The following FBXO6 variants were observed in gnomAD, a reference collection of about 807,000 sequenced individuals.
FBXO6 encodes the protein F-box only protein 6.
In FBXO6, 13 loss-of-function variants were observed where a neutral mutation model predicts 25.0. The ratio of observed to expected loss-of-function variants is 0.52; its 90% CI spans 0.34 to 0.83. The LOEUF (loss-of-function observed/expected upper bound fraction) is 0.83, where lower values mean the gene tolerates loss of function less well. Among genes scored for constraint, FBXO6 ranks in the 40% least tolerant of loss-of-function variants. The pLI, the probability that FBXO6 is intolerant of heterozygous loss-of-function variation, is 0.02. For missense variants in FBXO6, 370 were observed against 380.2 expected, an observed-to-expected ratio of 0.97 and a Z score of 0.22; for synonymous variants, 138 against 155.3, an observed-to-expected ratio of 0.89 and a Z score of 0.83.
intron 1 of FBXO6, among the ~76,000 whole-genome samples, chr1:11,667,160 GAA>G (rs796602620): frequency 2.8e-5 from 4 of 142,644 alleles, no homozygotes; most frequent in African/African-American, 7.7e-5. Context: ...TGGGGGGGAA[GAA>G]AAAAAAAAAG....
Position 11,673,386 on chromosome 1 carries a change from C to A in FBXO6, c.619C>A (p.Gln207Lys), listed in dbSNP as rs767392131. The A allele has an allele frequency of 2.5e-6, 4 of 1,614,066 alleles. No individual in the cohort carries two copies. The South Asian group carries it at 4.4e-5, about 18-fold the overall frequency. ...SFEPPPVTIQQWNNATWTEVS... is the reference protein window; with the variant it reads ...SFEPPPVTIQKWNNATWTEVS... ...CGAGCCCCCACCTGTGACCATCCAA[C>A]AGTGGAACAATGCCACATGGACAGA... is the stretch of plus-strand genomic sequence containing the variant. Residue 207 changes from glutamine to lysine, a missense_variant, in exon 5 of 6, where the codon CAG (glutamine) becomes AAG (lysine). Gln to Lys is a moderately conservative substitution (Grantham distance 53, BLOSUM62 1). Transcript: ENST00000376753. This position sits in a 1 kb window ranked among gnomAD's most constrained non-coding sequence, Gnocchi z 4.3.
Position 11,673,072 on chromosome 1 carries a change from T to A in FBXO6, c.510-205T>A, listed in dbSNP as rs1273195684. Among the ~76,000 whole-genome samples, 1 of 152,056 alleles carries A rather than the reference T, an allele frequency of 6.6e-6. No individual in the cohort carries two copies. The highest frequency in any genetic ancestry group is 1.5e-5 in the Non-Finnish European group (1 of 68,014). On this transcript the variant is annotated intron_variant, in intron 4 of 5. Transcript: ENST00000376753. This position sits in a 1 kb window ranked among gnomAD's most constrained non-coding sequence, Gnocchi z 4.3. ...AAAGGGTCCCTCTTCTCAGATGGGG[T>A]AACAGAGGCCAGCATGGACAGACAG...
rs550844579 is a variant in FBXO6 at position 11,666,918 on chromosome 1, G to A, written c.-3-1738G>A. On this transcript the variant is annotated intron_variant, in intron 1 of 5. Coordinates refer to ENST00000376753, the MANE Select transcript of FBXO6 (RefSeq NM_018438.6). The stretch of plus-strand genomic sequence containing the variant: ...ATCCCAGACTTCAGGAGGCTGAGGC[G>A]GGTGGATCACCTGAGGTCAGGAGTT... 6.3e-4 allele frequency among the ~76,000 whole-genome samples: 96 copies of A among 152,174 alleles called. 1 individual carries two copies. Among genetic ancestry groups the A allele is most frequent in the Admixed American group, 2.4e-3 (37 of 15,288 alleles).
At chr1:11,667,668 G>C (rs2100687841) in intron 1 of FBXO6, among the ~76,000 whole-genome samples, 1 of 152,142 alleles carries the variant, frequency 6.6e-6, no homozygotes, top group South Asian at 2.1e-4. Flanking sequence ...CGGGTGCCGT[G>C]GGGGATTCCC....
Position 11,673,915 on chromosome 1 carries a change from G to T in FBXO6, c.*64G>T. On this transcript the variant is annotated 3_prime_UTR_variant, in exon 6 of 6. Coordinates refer to ENST00000376753, the MANE Select transcript of FBXO6 (RefSeq NM_018438.6). This position sits in a 1 kb window ranked among gnomAD's most constrained non-coding sequence, Gnocchi z 4.3. ...TCCAGGCAGGAGCTGAGCATGGGGT[G>T]GGCAGTGAGGTCCCTGTACCAGCGA... 1 of 1,459,754 alleles carries T rather than the reference G, an allele frequency of 6.9e-7. No individual in the cohort carries two copies. Among genetic ancestry groups the T allele is most frequent in the South Asian group, 1.2e-5 (1 of 86,414 alleles). 90.4% of individuals were successfully genotyped at this position (1,459,754 alleles called of 1,614,324 possible).
At chr1:11,672,073 C>T (rs1397882582) in intron 4 of FBXO6, 50 bp downstream of exon 4, 2 of 1,487,114 alleles carry the variant, frequency 1.3e-6, no homozygotes, top group Non-Finnish European at 1.9e-6. Context: ...GCTCCTCTTA[C>T]TGCGCTGCAT....
chr1:11,667,229 G>A lies in FBXO6; in HGVS notation c.-3-1427G>A, dbSNP rs544622934. ...GGTGGAGAACATTCTCTCCTCATGT[G>A]TAAGCAGATGAGGCCCACCTGAGTG... On this transcript the variant is annotated intron_variant, in intron 1 of 5. Transcript: ENST00000376753. 5.3e-5 allele frequency among the ~76,000 whole-genome samples: 8 copies of A among 152,190 alleles called. No homozygotes were observed. The South Asian group carries it at 1.7e-3, about 32-fold the overall frequency.
Position 11,673,538 on chromosome 1 carries a change from A to C in FBXO6, c.646-77A>C. On this transcript the variant is annotated intron_variant, in intron 5 of 5. Coordinates refer to ENST00000376753, the MANE Select transcript of FBXO6 (RefSeq NM_018438.6). The surrounding 1 kb of genome is among the most constrained non-coding windows in gnomAD (Gnocchi z 4.3). ...GGAGCTGTTGCCTTCCAGCCTGGGC[A>C]GCTCTCTTAGAGGACCTGGCTCCTG... is the stretch of plus-strand genomic sequence containing the variant. 6.4e-7 allele frequency: 1 copy of C among 1,570,630 alleles called. No homozygotes were observed. The highest frequency in any genetic ancestry group is 8.7e-7 in the Non-Finnish European group (1 of 1,151,810).
chr1:11,667,579 TCTC>T (rs1640477055), intron 1 of FBXO6, among the ~76,000 whole-genome samples: 1 of 150,332 alleles, frequency 6.7e-6, no homozygotes, highest in African/African-American at 2.5e-5. Context: ...CAGGCAGTCT[TCTC>T]AGCCACCCTC....
chr1:11,665,620 G>A (rs1431674915), intron 1 of FBXO6, among the ~76,000 whole-genome samples: 1 of 130,374 alleles, frequency 7.7e-6, no homozygotes, highest in Non-Finnish European at 1.5e-5. Context: ...GAGTGCAGTG[G>A]CACGATCTCG....
intron 1 of FBXO6, among the ~76,000 whole-genome samples, chr1:11,664,940 G>C (rs1301711871): frequency 6.6e-6 from 1 of 152,210 alleles, no homozygotes; most frequent in Non-Finnish European, 1.5e-5. Context: ...CCAGACTTCG[G>C]TCACCACGGT....
At chr1:11,669,676 ACACATATATACG>A (rs1557672984) in intron 2 of FBXO6, among the ~76,000 whole-genome samples, 1 of 108,610 alleles carries the variant, frequency 9.2e-6, no homozygotes, top group Non-Finnish European at 1.7e-5. Flanking sequence ...GTATATATGT[ACACATATATACG>A]TATATATACA....
At chr1:11,672,980 T>C (rs1640666168) in intron 4 of FBXO6, among the ~76,000 whole-genome samples, 1 of 152,190 alleles carries the variant, frequency 6.6e-6, no homozygotes, top group African/African-American at 2.4e-5. Flanking sequence ...TGACATGGCT[T>C]GGACAGACCA....
chr1:11,673,293 G>A lies in FBXO6; in HGVS notation c.526G>A (p.Asp176Asn), dbSNP rs765509743. ...CTCCACCAGGTTTGCTGCCAGAGCC[G>A]ACTGTGGCTGCACCTACCAACTCAA... is the stretch of plus-strand genomic sequence containing the variant. ...VVKDWFAARA[D>N]CGCTYQLKVQ... The change falls in exon 5 of 6, where the codon GAC becomes AAC. Residue 176 changes from aspartate to asparagine, a missense_variant. Physicochemically the swap from Asp to Asn is conservative, Grantham distance 23. Transcript: ENST00000376753. The surrounding 1 kb of genome is among the most constrained non-coding windows in gnomAD (Gnocchi z 4.3). The A allele has an allele frequency of 7.4e-6, 12 of 1,613,442 alleles. No individual in the cohort carries two copies. Among genetic ancestry groups the A allele is most frequent in the East Asian group, 6.7e-5 (3 of 44,898 alleles).
At chr1:11,668,531 G>T (rs940404134) in intron 1 of FBXO6, 125 bp from the exon 2 acceptor site, 2 of 1,216,042 alleles carry the variant, frequency 1.6e-6, no homozygotes, top group African/African-American at 3.0e-5. Flanking sequence ...CAAGTACCTG[G>T]GACTCCAGGC....
In FBXO6 at chr1:11,670,595, C is replaced by T. The variant is rs541050223; in HGVS notation, c.287-671C>T. Among the ~76,000 whole-genome samples the T allele has an allele frequency of 6.0e-5, 9 of 149,258 alleles. No homozygotes were observed. In the South Asian group the frequency reaches 6.4e-4, roughly 11 times the overall value. On this transcript the variant is annotated intron_variant, in intron 2 of 5. Transcript: ENST00000376753. ...TAAGCAGTCTGTGTTGGGATGAACACGTTAGCCTTTTTTAAAAAATTATTT... is the reference window on the plus strand; with the variant it reads ...TAAGCAGTCTGTGTTGGGATGAACATGTTAGCCTTTTTTAAAAAATTATTT...
chr1:11,666,486 A>G (rs866726147), intron 1 of FBXO6, among the ~76,000 whole-genome samples: 37 of 151,034 alleles, frequency 2.4e-4, no homozygotes, highest in Admixed American at 1.4e-3. Context: ...GGTTCACACG[A>G]TTCTCCTGCC....
At chr1:11,668,538 A>C in intron 1 of FBXO6, 118 bp from the exon 2 acceptor site, 1 of 1,298,022 alleles carries the variant, frequency 7.7e-7, no homozygotes, top group East Asian at 2.4e-5. Flanking sequence ...CTGGGACTCC[A>C]GGCATGTGCC....
In FBXO6 at chr1:11,668,836, C is replaced by T; in HGVS notation, c.178C>T (p.Arg60Ter). 1.9e-6 allele frequency: 3 copies of T among 1,614,144 alleles called. No homozygotes were observed. The highest frequency in any genetic ancestry group is 2.5e-6 in the Non-Finnish European group (3 of 1,180,020). Residue 60 changes from arginine to a stop codon, truncating the protein, a stop_gained, in exon 2 of 6, where the codon CGA becomes TGA. Transcript: ENST00000376753. LOFTEE classifies it high-confidence loss of function. ...GACCCTCTGGAAACGCAAGTGCCTG[C>T]GAGAGGGCTTCATCACCAAGGACTG... Reference protein sequence around the residue: ...LMTLWKRKCLREGFITKDWDQ... With the variant: ...LMTLWKRKCL
Sources: allele counts gnomAD v4.1 joint callset (sites outside exome capture counted in the v4.1 genomes callset), GRCh38; gene constraint gnomAD v4.1.1; non-coding constraint Gnocchi (gnomAD v3.1); transcripts MANE v1.5; gene names NCBI Gene and HGNC (gene_info 2026-07-23, HGNC 2026-07-21).